The following ADGRE2 variants were observed in gnomAD, a reference collection of about 807,000 sequenced individuals.
ADGRE2 encodes adhesion G protein-coupled receptor E2, also known as CD97 antigen.
Under a neutral mutation model 100.8 loss-of-function variants are expected in ADGRE2, and 83 were observed. The observed-to-expected ratio is 0.82, with a 90% CI of 0.69 to 0.99. The LOEUF (loss-of-function observed/expected upper bound fraction) is 0.99. Ranked by LOEUF, ADGRE2 falls within the 50% of genes least tolerant of loss-of-function variation. ADGRE2 has a pLI of 0.00. For missense variants in ADGRE2, 814 were observed against 1,035.7 expected (o/e 0.79, Z 2.94); for synonymous variants, 355 against 413.0 (o/e 0.86, Z 1.70).
chr19:14,735,995 T>C lies in ADGRE2; in HGVS notation c.*241A>G, dbSNP rs1599772436. 4.6e-6 allele frequency: 2 copies of C among 437,106 alleles called. No individual in the cohort carries two copies. Among genetic ancestry groups the C allele is most frequent in the African/African-American group, 2.0e-5 (1 of 49,066 alleles). 27.1% of individuals were successfully genotyped at this position (437,106 alleles called of 1,614,324 possible). On this transcript the variant is annotated 3_prime_UTR_variant, in exon 21 of 21. Transcript: ENST00000315576. ...ATTGTGCTTCAGAGTGACCAAGATATGGGCCACAGCTGGCCGTCCATATGC... is the reference window on the plus strand; with the variant it reads ...ATTGTGCTTCAGAGTGACCAAGATACGGGCCACAGCTGGCCGTCCATATGC...
intron 14 of ADGRE2, among the ~76,000 whole-genome samples, chr19:14,754,448 T>TATCC: frequency 8.1e-6 from 1 of 122,954 alleles, no homozygotes; most frequent in South Asian, 2.8e-4. Context: ...ATTATCTATC[T>TATCC]ATCTATCTAT....
At chr19:14,736,850 G>GATATTACATATCTATATATTTCT (rs2042767799) in intron 20 of ADGRE2, among the ~76,000 whole-genome samples, 1 of 141,454 alleles carries the variant, frequency 7.1e-6, no homozygotes, top group Non-Finnish European at 1.5e-5. Flanking sequence ...TATATATTTA[G>GATATTACATATCTATATATTTCT]AAATATATAG....
At chr19:14,770,691 T>TTTG in intron 5 of ADGRE2, among the ~76,000 whole-genome samples, 1 of 136,948 alleles carries the variant, frequency 7.3e-6, no homozygotes, top group Non-Finnish European at 1.6e-5. Flanking sequence ...TTTTTTTTTT[T>TTTG]TTTTTTGAGA....
chr19:14,775,798 G>A (rs558997351), intron 2 of ADGRE2, among the ~76,000 whole-genome samples: 53 of 146,280 alleles, frequency 3.6e-4, no homozygotes, highest in African/African-American at 1.2e-3. Context: ...GGCGGAGGTT[G>A]CAGCAAGCTG....
chr19:14,743,425 TG>T lies in ADGRE2; in HGVS notation c.2457del (p.Ser820AlafsTer9). 17 of 1,613,888 alleles carry T rather than the reference TG, an allele frequency of 1.1e-5. No individual in the cohort carries two copies. The highest frequency in any genetic ancestry group is 1.4e-5 in the Non-Finnish European group (16 of 1,179,748). On this transcript the variant is annotated frameshift_variant, in exon 20 of 21. Transcript: ENST00000315576. LOFTEE classifies it high-confidence loss of function. ...GGAGCAATGCGTGATCTTACCGTGC[TG>T]GGTTTGGAGGTGTCAGCCTTAGCAC... ...SSSAKADTSK[P>X]STVN
intron 2 of ADGRE2, among the ~76,000 whole-genome samples, chr19:14,775,347 G>A (rs2044396828): frequency 6.6e-6 from 1 of 151,886 alleles, no homozygotes; most frequent in Non-Finnish European, 1.5e-5. Context: ...TAGAGACAGA[G>A]TCTTGCTCTG....
rs964713653 is a variant in ADGRE2, at chr19:14,736,169, T to C, written c.*67A>G. On this transcript the variant is annotated 3_prime_UTR_variant, in exon 21 of 21. Transcript: ENST00000315576. ...AGAACAAAGTCTTTTCTTTCCCCTCTAGATGGCTCAAAGATTGTTCAGATT... is the reference window on the plus strand; with the variant it reads ...AGAACAAAGTCTTTTCTTTCCCCTCCAGATGGCTCAAAGATTGTTCAGATT... The C allele has an allele frequency of 1.3e-6, 2 of 1,495,634 alleles. No homozygotes were observed. Among genetic ancestry groups the C allele is most frequent in the Admixed American group, 1.7e-5 (1 of 58,564 alleles). The allele number at this position is 1,495,634 out of a possible 1,614,324, so 92.6% of individuals were successfully genotyped here.
rs1361852895 is a variant in ADGRE2 at position 14,733,526 on chromosome 19, T to C, written c.*2710A>G. Reference sequence around the variant, plus strand: ...AAGCTAAAAGCAGACTTGGGGGGTATGCCTACAGCTGCAGAAAAATGTATA... The same window carrying C: ...AAGCTAAAAGCAGACTTGGGGGGTACGCCTACAGCTGCAGAAAAATGTATA... On this transcript the variant is annotated 3_prime_UTR_variant, in exon 21 of 21. Transcript: ENST00000315576. 6.6e-6 allele frequency: 1 copy of C among 152,028 alleles called. No homozygotes were observed. Among genetic ancestry groups the C allele is most frequent in the East Asian group, 1.9e-4 (1 of 5,172 alleles). 9.4% of individuals were successfully genotyped at this position (152,028 alleles called of 1,614,324 possible).
intron 18 of ADGRE2, among the ~76,000 whole-genome samples, chr19:14,744,706 C>T (rs887752654): frequency 1.3e-5 from 2 of 151,900 alleles, no homozygotes; most frequent in Non-Finnish European, 2.9e-5. Flanking sequence ...CCGCCTACCT[C>T]GGCCTCCCAA....
chr19:14,762,006 G>C (rs1458390387), intron 11 of ADGRE2, among the ~76,000 whole-genome samples: 1 of 152,020 alleles, frequency 6.6e-6, no homozygotes, highest in Non-Finnish European at 1.5e-5. Context: ...ACTCACTCCT[G>C]GTGTGTGTCT....
chr19:14,751,666 C>G lies in ADGRE2; in HGVS notation c.1794G>C (p.Leu598=), dbSNP rs752539813. ...GCAAGGTACCGGCGATGATGGAGCA[C>G]AGCACCTGGCGGAGAAGTAAAAGAC... The part of the protein sequence containing the change: ...VAIDQTGHKV[L]CSIIAGTLHY... Residue 598 remains leucine, a synonymous_variant, in exon 16 of 21, where the codon CTG becomes CTC. Transcript: ENST00000315576. The G allele has an allele frequency of 6.2e-7, 1 of 1,612,918 alleles. No homozygotes were observed. The highest frequency in any genetic ancestry group is 1.3e-5 in the African/African-American group (1 of 74,832).
At chr19:14,760,818 G>A (rs1200295610) in intron 11 of ADGRE2, among the ~76,000 whole-genome samples, 1 of 152,084 alleles carries the variant, frequency 6.6e-6, no homozygotes, top group African/African-American at 2.4e-5. Flanking sequence ...ACACAGACCT[G>A]AAGCTTAATA....
chr19:14,777,014 A>ACACACACC, intron 1 of ADGRE2, 87 bp from the exon 2 acceptor site: 2 of 1,281,644 alleles, frequency 1.6e-6, no homozygotes, highest in East Asian at 3.4e-5. Context: ...ACACACACAC[A>ACACACACC]CGTGTACTCG....
intron 20 of ADGRE2, among the ~76,000 whole-genome samples, chr19:14,738,144 G>A (rs1207866261): frequency 6.6e-6 from 1 of 152,096 alleles, no homozygotes; most frequent in Non-Finnish European, 1.5e-5. Context: ...GCTTATATGA[G>A]TGTAGCAAAT....
intron 1 of ADGRE2, among the ~76,000 whole-genome samples, chr19:14,777,701 G>T (rs2044488661): frequency 6.7e-6 from 1 of 149,550 alleles, no homozygotes; most frequent in Non-Finnish European, 1.5e-5. Context: ...GTGTCCAGGT[G>T]TTCTCATTGC....
intron 5 of ADGRE2, among the ~76,000 whole-genome samples, chr19:14,769,367 G>A (rs2044110870): frequency 6.6e-6 from 1 of 152,220 alleles, no homozygotes; most frequent in South Asian, 2.1e-4. Context: ...AGGTGTTTGG[G>A]ACGGCCCTGT....
chr19:14,753,066 G>A (rs901421929), intron 14 of ADGRE2, among the ~76,000 whole-genome samples: 3 of 136,514 alleles, frequency 2.2e-5, no homozygotes, highest in African/African-American at 5.1e-5. Context: ...CACCACACCC[G>A]TCCTAATTTT....
rs71166800 is a variant in ADGRE2, at chr19:14,776,976, G to GCGCGCGCACACACACACACA, written c.-171-50_-171-49insTGTGTGTGTGTGTGCGCGCG. 2.9e-6 allele frequency: 3 copies of GCGCGCGCACACACACACACA among 1,026,216 alleles called. No individual in the cohort carries two copies. The East Asian group carries it at 1.4e-4, about 47-fold the overall frequency. The allele number at this position is 1,026,216 out of a possible 1,614,324, so 63.6% of individuals were successfully genotyped here. The stretch of plus-strand genomic sequence containing the variant: ...ATAAAAACACAGAACCAGGGGCGCT[G>GCGCGCGCACACACACACACA]CACACACACACACACACACACACAC... On this transcript the variant is annotated intron_variant, in intron 1 of 20. Transcript: ENST00000315576.
At position 14,751,612 on chromosome 19, in the gene ADGRE2, C is replaced by A; in HGVS notation, c.1848G>T (p.Trp616Cys). The A allele has an allele frequency of 6.2e-7, 1 of 1,613,924 alleles. No homozygotes were observed. Among genetic ancestry groups the A allele is most frequent in the South Asian group, 1.1e-5 (1 of 91,072 alleles). Residue 616 changes from tryptophan (W) to cysteine (C), a missense_variant, in exon 16 of 21, where the codon TGG (tryptophan) becomes TGT (cysteine). Coordinates refer to ENST00000315576, the MANE Select transcript of ADGRE2 (RefSeq NM_013447.4). ...LHYLYLATLT[W>C]MLLEALYLFL... ...AGAGGTACAGGGCCTCCAGCAGCAT[C>A]CAGGTCAAGGTGGCCAGGTAGAGAT...
Sources: gnomAD v4.1 joint callset for allele counts (sites outside exome capture counted in the v4.1 genomes callset) on GRCh38, gnomAD v4.1.1 for gene constraint, MANE v1.5 for transcripts, NCBI Gene and HGNC (gene_info 2026-07-23, HGNC 2026-07-21) for gene names.